ATP5MJ: variants seen among roughly 807,000 people sequenced by gnomAD.
The protein encoded by ATP5MJ is ATP synthase F(0) complex subunit j, mitochondrial.
In ATP5MJ, 4 loss-of-function variants were observed where a neutral mutation model predicts 8.3. That is an observed-to-expected ratio of 0.48 (90% CI 0.24 to 1.11). ATP5MJ has a LOEUF of 1.11. ATP5MJ is among the 50% of genes least tolerant of loss of function. The pLI, the probability that ATP5MJ is intolerant of heterozygous loss-of-function variation, is 0.18. For synonymous variants in ATP5MJ, 23 were observed against 21.3 expected (o/e 1.08, Z -0.23); for missense variants, 66 against 71.8 (o/e 0.92, Z 0.29).
intron 3 of ATP5MJ, 24 bp from the exon 4 acceptor site, chr14:103,912,718 A>C: frequency 6.2e-7 from 1 of 1,610,552 alleles, no homozygotes. Context: ...TGCATATATA[A>C]ATATGATTTA....
At chr14:103,916,422 C>T (rs950530037) in intron 1 of ATP5MJ, among the ~76,000 whole-genome samples, 2 of 152,182 alleles carry the variant, frequency 1.3e-5, no homozygotes, top group Non-Finnish European at 2.9e-5. Context: ...TAGATCTAAG[C>T]ACTTCTCATT....
intron 1 of ATP5MJ, among the ~76,000 whole-genome samples, chr14:103,920,468 CT>C (rs57538744): frequency 0.026 from 2,801 of 106,532 alleles, 100 homozygotes; most frequent in African/African-American, 0.082. Context: ...ACAGCCCCTA[CT>C]TTTTTTTTTT....
chr14:103,920,712 C>T (rs2087670124), intron 1 of ATP5MJ, among the ~76,000 whole-genome samples: 1 of 152,006 alleles, frequency 6.6e-6, no homozygotes, highest in Admixed American at 6.6e-5. Flanking sequence ...CCTCGTGATC[C>T]GCCCGCCTCA....
Position 103,919,111 on chromosome 14 carries a change from G to A in ATP5MJ, c.-1+2359C>T, listed in dbSNP as rs192176589. Among the ~76,000 whole-genome samples the A allele has an allele frequency of 3.1e-3, 468 of 152,298 alleles. 4 individuals carry two copies. The highest frequency in any genetic ancestry group is 0.011 in the African/African-American group (443 of 41,586). ...AAAATCCAGAGAATGGACTGGGCAC[G>A]GTGGCTTACGCCTATAATCCCAGCA... On this transcript the variant is annotated intron_variant, in intron 1 of 3. Transcript: ENST00000286953.
At chr14:103,915,300 C>T in intron 1 of ATP5MJ, 111 bp from the exon 2 acceptor site, 1 of 1,258,860 alleles carries the variant, frequency 7.9e-7, no homozygotes. Context: ...TGCTAGGGAG[C>T]CTCGCCTGTG....
intron 1 of ATP5MJ, chr14:103,921,226 G>A: frequency 1.7e-6 from 1 of 579,784 alleles, no homozygotes; most frequent in Admixed American, 2.9e-5. Flanking sequence ...AACCGTGGGA[G>A]AATTCAGGTG....
At chr14:103,919,854 G>C (rs1449363240) in intron 1 of ATP5MJ, among the ~76,000 whole-genome samples, 1 of 151,020 alleles carries the variant, frequency 6.6e-6, no homozygotes, top group Non-Finnish European at 1.5e-5. Context: ...TTTAGACAGA[G>C]TTTCAGTTGG....
chr14:103,919,868 T>C (rs2087659406), intron 1 of ATP5MJ, among the ~76,000 whole-genome samples: 1 of 151,412 alleles, frequency 6.6e-6, no homozygotes, highest in Admixed American at 6.6e-5. Flanking sequence ...CAGTTGGTCA[T>C]CAGGCTGGAG....
chr14:103,913,220 T>G (rs2087594381), intron 3 of ATP5MJ: 1 of 153,668 alleles, frequency 6.5e-6, no homozygotes, highest in Admixed American at 6.5e-5. Flanking sequence ...CTTGGGAGGC[T>G]AAGGCAGGAG....
intron 2 of ATP5MJ, chr14:103,914,427 C>A: frequency 1.8e-6 from 1 of 570,616 alleles, no homozygotes; most frequent in Non-Finnish European, 3.2e-6. Flanking sequence ...ATATTTTAGC[C>A]TTCATCTCTT....
At chr14:103,914,550 C>T in intron 2 of ATP5MJ, 1 of 687,716 alleles carries the variant, frequency 1.5e-6, no homozygotes, top group Non-Finnish European at 2.7e-6. Flanking sequence ...TTGTTAATTC[C>T]AGCACTTTGG....
chr14:103,919,553 G>C (rs28612170), intron 1 of ATP5MJ, among the ~76,000 whole-genome samples: 10,258 of 152,134 alleles, frequency 0.067, 1,160 homozygotes, highest in African/African-American at 0.24. Context: ...GACAGAACAA[G>C]GTAAGATGAG....
At chr14:103,916,596 G>A (rs1282128348) in intron 1 of ATP5MJ, among the ~76,000 whole-genome samples, 4 of 152,106 alleles carry the variant, frequency 2.6e-5, no homozygotes, top group Admixed American at 6.6e-5. Flanking sequence ...ACCAGGTGTG[G>A]TGGTGCTTGC....
rs148158939 is a variant in ATP5MJ, at chr14:103,920,917, T to G, written c.-1+553A>C. On this transcript the variant is annotated intron_variant, in intron 1 of 3. Coordinates refer to ENST00000286953, the MANE Select transcript of ATP5MJ (RefSeq NM_004894.3). ...CTTAAGTCTGCAAAGTTTTGGCACA[T>G]TACATTAAGGGCGAACTATTACCTG... 8.5e-6 allele frequency: 13 copies of G among 1,532,290 alleles called. No homozygotes were observed. The African/African-American group carries it at 1.6e-4, about 19-fold the overall frequency. 94.9% of individuals were successfully genotyped at this position (1,532,290 alleles called of 1,614,324 possible). A position where few individuals can be genotyped will look rare whatever the true frequency, so the allele number is the denominator to read the frequency against.
At position 103,915,165 on chromosome 14, in the gene ATP5MJ, T is replaced by A. The variant is rs1053419; in HGVS notation, c.25A>T (p.Ile9Leu). 1.1e-3 allele frequency: 1,709 copies of A among 1,613,566 alleles called. 19 individuals carry two copies. In the African/African-American group the frequency reaches 0.019, roughly 18 times the overall value. Residue 9 changes from isoleucine (I) to leucine (L), a missense_variant, in exon 2 of 4, where the codon ATA (isoleucine) becomes TTA (leucine). By Grantham distance (5) the Ile-to-Leu change is conservative (BLOSUM62 2). Coordinates refer to ENST00000286953, the MANE Select transcript of ATP5MJ (RefSeq NM_004894.3). Reference sequence around the variant, plus strand: ...TAGTAGGGCTTCATGGGGATCCATATGTTTTTAATAATACTTTGAAGCATC... The same window carrying A: ...TAGTAGGGCTTCATGGGGATCCATAAGTTTTTAATAATACTTTGAAGCATC... The part of the protein sequence containing the change: MLQSIIKN[I>L]WIPMKPYYTK...
At chr14:103,916,855 AAT>A (rs2087629637) in intron 1 of ATP5MJ, among the ~76,000 whole-genome samples, 1 of 152,126 alleles carries the variant, frequency 6.6e-6, no homozygotes, top group African/African-American at 2.4e-5. Flanking sequence ...GGATCCAAAG[AAT>A]CCGAATGCTC....
At chr14:103,913,006 C>T in intron 3 of ATP5MJ, 1 of 334,604 alleles carries the variant, frequency 3.0e-6, no homozygotes, top group Admixed American at 4.4e-5. Flanking sequence ...CATTGTCACT[C>T]TGGCATAAAT....
chr14:103,914,403 AACCCAT>A, intron 2 of ATP5MJ: 1 of 567,060 alleles, frequency 1.8e-6, no homozygotes, highest in Non-Finnish European at 3.2e-6. Flanking sequence ...ACATACCATG[AACCCAT>A]ACCTTAAATA....
chr14:103,918,136 A>G (rs946554062), intron 1 of ATP5MJ: 1 of 152,246 alleles, frequency 6.6e-6, no homozygotes, highest in African/African-American at 2.4e-5. Flanking sequence ...TGCTTTGGGA[A>G]TATGTCACAG....
Sources: allele counts gnomAD v4.1 joint callset (sites outside exome capture counted in the v4.1 genomes callset), GRCh38; gene constraint gnomAD v4.1.1; transcripts MANE v1.5; gene names NCBI Gene and HGNC (gene_info 2026-07-23, HGNC 2026-07-21).